Variants in PPARG observed in about 807,000 individuals in gnomAD.
The protein encoded by PPARG is peroxisome proliferator activated receptor gamma, also known as peroxisome proliferator-activated receptor gamma.
A neutral mutation model predicts 39.2 loss-of-function variants in PPARG; 17 were observed. That is an observed-to-expected ratio of 0.43 (90% CI 0.30 to 0.65). The LOEUF is 0.65. PPARG is among the 30% of genes least tolerant of loss of function. The pLI is 0.13. For synonymous variants in PPARG, 223 were observed against 215.7 expected, an observed-to-expected ratio of 1.03 and a Z score of -0.30; for missense variants, 406 against 585.9, an observed-to-expected ratio of 0.69 and a Z score of 3.17.
upstream of PPARG, chr3:12,288,026 A>T (rs1338316620): frequency 6.6e-6 from 1 of 151,416 alleles, no homozygotes; most frequent in African/African-American, 2.4e-5. Flanking sequence ...CGCAGGTCAG[A>T]GTACGGGTGC....
At position 12,395,177 on chromosome 3, in the gene PPARG, C is replaced by T. The variant is rs537497469; in HGVS notation, c.529+2425C>T. 9.9e-5 allele frequency among the ~76,000 whole-genome samples: 15 copies of T among 152,200 alleles called. No individual in the cohort carries two copies. In the South Asian group the frequency reaches 2.9e-3, roughly 29 times the overall value. On this transcript the variant is annotated intron_variant, in intron 5 of 7. Transcript: ENST00000651735. Reference sequence around the variant, plus strand: ...CTTTCACTTTGAAAATTCTATGATTCTGTATAATCAAACAACCTAACTCAC... The same window carrying T: ...CTTTCACTTTGAAAATTCTATGATTTTGTATAATCAAACAACCTAACTCAC...
At chr3:12,302,053 A>G (rs541342890) in intron 1 of PPARG, among the ~76,000 whole-genome samples, 266 of 152,352 alleles carry the variant, frequency 1.7e-3, no homozygotes, top group Non-Finnish European at 3.1e-3. Context: ...AACAATTCAC[A>G]GCAGTATGTG....
At chr3:12,377,017 G>A (rs778967233) in intron 2 of PPARG, among the ~76,000 whole-genome samples, 2 of 152,076 alleles carry the variant, frequency 1.3e-5, no homozygotes, top group African/African-American at 2.4e-5. Flanking sequence ...TGCTTTTTTG[G>A]CACCACTTTG....
At chr3:12,297,705 GT>G (rs1667326955) in intron 1 of PPARG, among the ~76,000 whole-genome samples, 2 of 152,228 alleles carry the variant, frequency 1.3e-5, no homozygotes, top group South Asian at 4.1e-4. Context: ...TTGTTGATTT[GT>G]TTGGGTCCGT....
At chr3:12,392,576 A>T in intron 4 of PPARG, 38 bp from the exon 5 acceptor site, 1 of 1,612,122 alleles carries the variant, frequency 6.2e-7, no homozygotes, top group Non-Finnish European at 8.5e-7. Flanking sequence ...CATGTGTCAT[A>T]AAGACTTAAA....
intron 1 of PPARG, among the ~76,000 whole-genome samples, chr3:12,295,084 C>T (rs185744007): frequency 6.6e-6 from 1 of 152,226 alleles, no homozygotes; most frequent in East Asian, 1.9e-4. Context: ...CATGACTAAT[C>T]ACATTGCTTA....
chr3:12,423,770 A>G (rs1200238549), intron 7 of PPARG, among the ~76,000 whole-genome samples: 1 of 152,220 alleles, frequency 6.6e-6, no homozygotes, highest in Non-Finnish European at 1.5e-5. Flanking sequence ...GGGTTTTTGG[A>G]CAAGACAGGC....
chr3:12,329,731 C>G (rs2125044013), intron 2 of PPARG, among the ~76,000 whole-genome samples: 1 of 152,190 alleles, frequency 6.6e-6, no homozygotes, highest in East Asian at 1.9e-4. Context: ...ACTGTCATCC[C>G]TATCTATTTC....
rs1438652871 is a variant in PPARG at position 12,416,856 on chromosome 3, C to G, written c.882C>G (p.Ile294Met). Reference protein sequence around the residue: ...QFRSVEAVQEITEYAKSIPGF... With the variant: ...QFRSVEAVQEMTEYAKSIPGF... ...GCTCCGTGGAGGCTGTGCAGGAGAT[C>G]ACAGAGTATGCCAAAAGCATTCCTG... Residue 294 changes from isoleucine to methionine, a missense_variant, in exon 7 of 8, where the codon ATC becomes ATG. By Grantham distance (10) the Ile-to-Met change is conservative (BLOSUM62 1). This residue lies in a region of PPARG where 275 missense variants were observed against 458.0 expected (regional missense o/e 0.60). Transcript: ENST00000651735. 6.2e-7 allele frequency: 1 copy of G among 1,614,152 alleles called. No homozygotes were observed.
Position 12,299,955 on chromosome 3 carries a change from C to G in PPARG, c.-83+10821C>G, listed in dbSNP as rs75738143. 9.2e-5 allele frequency among the ~76,000 whole-genome samples: 14 copies of G among 152,248 alleles called. No homozygotes were observed. The East Asian group carries it at 2.7e-3, about 29-fold the overall frequency. On this transcript the variant is annotated intron_variant, in intron 1 of 7. Coordinates refer to ENST00000651735, the MANE Select transcript of PPARG (RefSeq NM_138711.6). ...TACTTACTATAGCTATTTTCAATGT[C>G]TGTATTCACAAACTGTTTACTATTT...
chr3:12,417,887 T>C (rs10049123), intron 7 of PPARG, among the ~76,000 whole-genome samples: 42 of 130,146 alleles, frequency 3.2e-4, no homozygotes, highest in Admixed American at 1.1e-3. Flanking sequence ...CTTTTTTTTT[T>C]CTTTTTTTTT....
At chr3:12,365,611 T>A (rs1275753400) in intron 2 of PPARG, among the ~76,000 whole-genome samples, 1 of 151,940 alleles carries the variant, frequency 6.6e-6, no homozygotes, top group East Asian at 1.9e-4. Context: ...ATTATATTTT[T>A]TTGCATGTGG....
At chr3:12,334,523 G>A (rs530516401) in intron 2 of PPARG, among the ~76,000 whole-genome samples, 2 of 152,182 alleles carry the variant, frequency 1.3e-5, no homozygotes, top group South Asian at 2.1e-4. Context: ...GGAAGCCACC[G>A]TGCCTGGCTG....
At chr3:12,390,024 A>T (rs1209619107) in intron 4 of PPARG, among the ~76,000 whole-genome samples, 2 of 152,256 alleles carry the variant, frequency 1.3e-5, no homozygotes. Context: ...TGTAACAGAC[A>T]ACAGATTAAT....
intron 2 of PPARG, among the ~76,000 whole-genome samples, chr3:12,329,815 G>C (rs2047800258): frequency 6.6e-6 from 1 of 151,976 alleles, no homozygotes; most frequent in Admixed American, 6.6e-5. Flanking sequence ...CCCCAGCCCT[G>C]GTTATCTCTG....
chr3:12,324,716 G>T (rs2047644045), intron 2 of PPARG, among the ~76,000 whole-genome samples: 1 of 152,130 alleles, frequency 6.6e-6, no homozygotes. Flanking sequence ...AACATGTTGA[G>T]ATAACTAAAA....
chr3:12,432,378 A>G (rs1180740563), intron 7 of PPARG, among the ~76,000 whole-genome samples: 1 of 152,086 alleles, frequency 6.6e-6, no homozygotes, highest in Non-Finnish European at 1.5e-5. Context: ...AGATAAAACC[A>G]TAACTCTTCA....
At chr3:12,298,485 C>G (rs1050591347) in intron 1 of PPARG, among the ~76,000 whole-genome samples, 1 of 151,912 alleles carries the variant, frequency 6.6e-6, no homozygotes, top group Non-Finnish European at 1.5e-5. Context: ...CTAGAAATCC[C>G]AAAGGAGAAA....
intron 1 of PPARG, among the ~76,000 whole-genome samples, chr3:12,296,232 G>A (rs2046779803): frequency 8.3e-6 from 1 of 120,812 alleles, no homozygotes; most frequent in African/African-American, 3.2e-5. Context: ...TCTAGCCTGG[G>A]CAACAGAGCA....
Sources: allele counts gnomAD v4.1 joint callset (sites outside exome capture counted in the v4.1 genomes callset), GRCh38; gene constraint gnomAD v4.1.1; regional missense constraint gnomAD v4.1.1; transcripts MANE v1.5; gene names NCBI Gene and HGNC (gene_info 2026-07-23, HGNC 2026-07-21).